Variants in FGD6 observed in about 807,000 individuals in gnomAD.
FGD6 encodes FYVE, RhoGEF and PH domain containing 6, also known as FYVE, RhoGEF and PH domain-containing protein 6.
FGD6 carries 90 observed loss-of-function variants against 149.4 expected under a neutral mutation model. The observed-to-expected ratio is 0.60, with a 90% CI of 0.51 to 0.72. The LOEUF (loss-of-function observed/expected upper bound fraction) is 0.72, where lower values mean the gene tolerates loss of function less well. Ranked by LOEUF, FGD6 falls within the 30% of genes least tolerant of loss-of-function variation. The probability of loss-of-function intolerance (pLI) is 0.00; values close to 1 mark genes in which losing one functional copy is unlikely to be tolerated. For synonymous variants in FGD6, 527 were observed against 584.0 expected (o/e 0.90, Z 1.41); for missense variants, 1,437 against 1,684.8 (o/e 0.85, Z 2.57).
Position 95,084,096 on chromosome 12 carries a change from C to G in FGD6, c.4256+402G>C, listed in dbSNP as rs11107889. Among the ~76,000 whole-genome samples, 898 of 152,312 alleles carry G rather than the reference C, an allele frequency of 5.9e-3. 8 individuals are homozygous for G. Among genetic ancestry groups the G allele is most frequent in the Middle Eastern group, 0.01 (3 of 294 alleles). ...AGTTAGCGAGCAGCTGTTTAAACTCCTGCTGTTCCATGGCACAAATGAATC... is the reference window on the plus strand; with the variant it reads ...AGTTAGCGAGCAGCTGTTTAAACTCGTGCTGTTCCATGGCACAAATGAATC... On this transcript the variant is annotated intron_variant, in intron 20 of 20. Coordinates refer to ENST00000343958, the MANE Select transcript of FGD6 (RefSeq NM_018351.4).
At chr12:95,122,033 A>G (rs1242057841) in intron 8 of FGD6, among the ~76,000 whole-genome samples, 1 of 152,180 alleles carries the variant, frequency 6.6e-6, no homozygotes, top group Non-Finnish European at 1.5e-5. Context: ...TAATAGATCT[A>G]TTCTTGCAAT....
At chr12:95,150,667 G>A (rs1358199177) in intron 5 of FGD6, among the ~76,000 whole-genome samples, 1 of 151,884 alleles carries the variant, frequency 6.6e-6, no homozygotes, top group African/African-American at 2.4e-5. Context: ...CTAGAGTGCA[G>A]TGGTGCAATC....
At chr12:95,126,048 G>A in intron 8 of FGD6, 1 of 1,299,142 alleles carries the variant, frequency 7.7e-7, no homozygotes, top group Non-Finnish European at 1.1e-6. Flanking sequence ...GAAGATTGAA[G>A]CCAGAGAAAG....
rs557437914 is a variant in FGD6 at position 95,144,034 on chromosome 12, C to A, written c.2686-2495G>T. 2.0e-3 allele frequency among the ~76,000 whole-genome samples: 297 copies of A among 152,272 alleles called. 1 individual carries two copies. Among genetic ancestry groups the A allele is most frequent in the African/African-American group, 6.6e-3 (273 of 41,556 alleles). On this transcript the variant is annotated intron_variant, in intron 5 of 20. Transcript: ENST00000343958. ...TGTTAGCTGCTAAGTAACTTAAGGA[C>A]CCGGTTTGACACAGCTTTTGCCAGA...
intron 14 of FGD6, among the ~76,000 whole-genome samples, chr12:95,101,381 G>A (rs1392010163): frequency 6.6e-6 from 1 of 151,994 alleles, no homozygotes; most frequent in East Asian, 1.9e-4. Context: ...ATCTTGATCA[G>A]AGCTGTTCAT....
intron 3 of FGD6, among the ~76,000 whole-genome samples, chr12:95,157,119 AAATT>A (rs1880494891): frequency 1.3e-5 from 2 of 152,312 alleles, no homozygotes; most frequent in South Asian, 4.1e-4. Context: ...TCTGTGAAAC[AAATT>A]GTTAAATTAT....
intron 14 of FGD6, among the ~76,000 whole-genome samples, chr12:95,102,462 A>AAAAC (rs1878480088): frequency 7.2e-6 from 1 of 139,722 alleles, no homozygotes; most frequent in Admixed American, 7.4e-5. Flanking sequence ...AAAAAAAAAA[A>AAAAC]AAAAACACAA....
At chr12:95,198,701 G>T (rs1881789514) in intron 2 of FGD6, among the ~76,000 whole-genome samples, 1 of 152,214 alleles carries the variant, frequency 6.6e-6, no homozygotes, top group African/African-American at 2.4e-5. Context: ...CTCCCAAAGT[G>T]CTGGGGTTAC....
chr12:95,130,516 T>C (rs1487432780), intron 8 of FGD6, among the ~76,000 whole-genome samples: 2 of 152,202 alleles, frequency 1.3e-5, no homozygotes, highest in Non-Finnish European at 2.9e-5. Flanking sequence ...GATTAAATCA[T>C]TTGAGCTTTA....
intron 2 of FGD6, among the ~76,000 whole-genome samples, chr12:95,208,177 G>A (rs2136302788): frequency 6.6e-6 from 1 of 152,184 alleles, no homozygotes; most frequent in East Asian, 1.9e-4. Flanking sequence ...CCTTGAGCCT[G>A]GGGAGTCGAG....
chr12:95,131,989 G>A (rs987593465), intron 8 of FGD6, among the ~76,000 whole-genome samples: 2 of 152,104 alleles, frequency 1.3e-5, no homozygotes, highest in African/African-American at 4.8e-5. Flanking sequence ...GCAGTGAGCT[G>A]AGATTGTGCC....
At position 95,079,282 on chromosome 12, in the gene FGD6, A is replaced by G. The variant is rs1407705659; in HGVS notation, c.*2238T>C. On this transcript the variant is annotated 3_prime_UTR_variant, in exon 21 of 21. Transcript: ENST00000343958. ...TCTAAACCCTCCATGGGGCTAAGCCAATAGGTAATACAGTCACATGCATTT... is the reference window on the plus strand; with the variant it reads ...TCTAAACCCTCCATGGGGCTAAGCCGATAGGTAATACAGTCACATGCATTT... The G allele has an allele frequency of 6.6e-6, 1 of 152,234 alleles. No homozygotes were observed. Among genetic ancestry groups the G allele is most frequent in the Non-Finnish European group, 1.5e-5 (1 of 68,042 alleles). The allele number at this position is 152,234 out of a possible 1,614,324, so 9.4% of individuals were successfully genotyped here.
chr12:95,100,773 T>C (rs1827601717), intron 14 of FGD6: 4 of 475,306 alleles, frequency 8.4e-6, no homozygotes, highest in South Asian at 5.0e-5. Flanking sequence ...CTTACAATAG[T>C]GATGAGCGAA....
rs955975924 is a variant in FGD6 at position 95,208,816 on chromosome 12, CAA to C, written c.2441+25_2441+26del. 4.4e-6 allele frequency: 7 copies of C among 1,590,076 alleles called. No individual in the cohort carries two copies. In the East Asian group the frequency reaches 1.6e-4, roughly 36 times the overall value. On this transcript the variant is annotated intron_variant, in intron 2 of 20. Transcript: ENST00000343958. ...TGAAGGTTAATTGCAATGATGCATG[CAA>C]AAGTGTCTGTCTGGCACCTGTTACC... is the stretch of plus-strand genomic sequence containing the variant.
chr12:95,110,430 T>G (rs1878779967), intron 9 of FGD6, among the ~76,000 whole-genome samples: 1 of 151,640 alleles, frequency 6.6e-6, no homozygotes, highest in Admixed American at 6.6e-5. Context: ...GATCTTGGCT[T>G]ACTCAACCTC....
intron 2 of FGD6, among the ~76,000 whole-genome samples, chr12:95,193,872 C>T (rs2136295335): frequency 6.6e-6 from 1 of 151,784 alleles, no homozygotes; most frequent in South Asian, 2.1e-4. Context: ...AGGCCACATG[C>T]TATATGATTC....
intron 5 of FGD6, among the ~76,000 whole-genome samples, chr12:95,152,491 G>A (rs1230379030): frequency 6.6e-6 from 1 of 152,162 alleles, no homozygotes; most frequent in East Asian, 1.9e-4. Flanking sequence ...GCTTATTTAG[G>A]TAGGAGAAAA....
intron 2 of FGD6, among the ~76,000 whole-genome samples, chr12:95,192,144 T>C (rs543903592): frequency 7.2e-5 from 11 of 152,368 alleles, no homozygotes; most frequent in Non-Finnish European, 1.2e-4. Flanking sequence ...TCTAAAAGTC[T>C]GTACATGTTC....
chr12:95,108,522 T>C lies in FGD6; in HGVS notation c.3173A>G (p.Asn1058Ser), dbSNP rs758408275. The C allele has an allele frequency of 1.2e-6, 2 of 1,614,080 alleles. No individual in the cohort carries two copies. Among genetic ancestry groups the C allele is most frequent in the Non-Finnish European group, 1.7e-6 (2 of 1,179,978 alleles). ...ACTTACTCCTTGCTTCATGGTGTCATTGGCGTGGTTGGCTACCTCTATAAC... is the reference window on the plus strand; with the variant it reads ...ACTTACTCCTTGCTTCATGGTGTCACTGGCGTGGTTGGCTACCTCTATAAC... ...AVVIEVANHA[N>S]DTMKQGDNFQ... The change falls in exon 10 of 21, where the codon AAT (asparagine) becomes AGT (serine). Residue 1058 changes from asparagine to serine, a missense_variant. Asn to Ser is a conservative substitution (Grantham distance 46). Coordinates refer to ENST00000343958, the MANE Select transcript of FGD6 (RefSeq NM_018351.4).
Sources: allele counts gnomAD v4.1 joint callset (sites outside exome capture counted in the v4.1 genomes callset), GRCh38; gene constraint gnomAD v4.1.1; transcripts MANE v1.5; gene names NCBI Gene and HGNC (gene_info 2026-07-23, HGNC 2026-07-21).